Variants in GLT8D2 observed in about 807,000 individuals in gnomAD.
The protein encoded by GLT8D2 is glycosyltransferase 8 domain-containing protein 2.
Under a neutral mutation model 44.5 loss-of-function variants are expected in GLT8D2, and 45 were observed. That is an observed-to-expected ratio of 1.01 (90% CI 0.80 to 1.30). The LOEUF (loss-of-function observed/expected upper bound fraction) is 1.30, where lower values mean the gene tolerates loss of function less well. Among genes scored for constraint, GLT8D2 ranks in the 50% most tolerant of loss-of-function variants. The probability of loss-of-function intolerance (pLI) is 0.00; values close to 1 mark genes in which losing one functional copy is unlikely to be tolerated. For missense variants in GLT8D2, 400 were observed against 430.4 expected (o/e 0.93, Z 0.62); for synonymous variants, 156 against 157.2 (o/e 0.99, Z 0.06).
chr12:104,062,650 A>C (rs4340124), intron 1 of GLT8D2, among the ~76,000 whole-genome samples: 13,465 of 152,002 alleles, frequency 0.089, 866 homozygotes, highest in Admixed American at 0.17. Context: ...TCTCTCTTTA[A>C]TAAAAATAGA....
intron 4 of GLT8D2, among the ~76,000 whole-genome samples, 161 bp from the exon 5 acceptor site, chr12:104,003,467 T>C (rs1046796905): frequency 8.5e-5 from 13 of 152,288 alleles, no homozygotes; most frequent in African/African-American, 3.1e-4. Flanking sequence ...GAAAAGAACT[T>C]TGGAATTTTA....
In GLT8D2 at chr12:104,022,023, A is replaced by AAAG. The variant is rs1233673108; in HGVS notation, c.-163-535_-163-533dup. Among the ~76,000 whole-genome samples, 7 of 27,346 alleles carry AAAG rather than the reference A, an allele frequency of 2.6e-4. 1 individual carries two copies. Among genetic ancestry groups the AAAG allele is most frequent in the Admixed American group, 4.4e-4 (1 of 2,270 alleles). 17.9% of individuals were successfully genotyped at this position (27,346 alleles called of 152,430 possible). A position where few individuals can be genotyped will look rare whatever the true frequency, so the allele number is the denominator to read the frequency against. On this transcript the variant is annotated intron_variant, in intron 1 of 10. Coordinates refer to ENST00000360814, the MANE Select transcript of GLT8D2 (RefSeq NM_001384711.1). ...AGAAGAAGAAGAAGAAGAAGAAGAAAAAGAAGAAGAAGAAGAAGAAGAAGA... is the reference window on the plus strand; with the variant it reads ...AGAAGAAGAAGAAGAAGAAGAAGAAAAAGAAGAAGAAGAAGAAGAAGAAGAAGA...
intron 7 of GLT8D2, 80 bp downstream of exon 7, chr12:103,997,371 A>G: frequency 9.9e-7 from 1 of 1,006,636 alleles, no homozygotes; most frequent in Non-Finnish European, 1.6e-6. Context: ...ACAATTAGTT[A>G]TTTGAAAAAT....
intron 1 of GLT8D2, among the ~76,000 whole-genome samples, chr12:104,027,527 T>G (rs1488865713): frequency 6.6e-6 from 1 of 152,248 alleles, no homozygotes; most frequent in African/African-American, 2.4e-5. Flanking sequence ...AGGTTCAGTT[T>G]CTTACAAACA....
chr12:104,014,892 G>A, intron 4 of GLT8D2, 121 bp downstream of exon 4: 2 of 670,330 alleles, frequency 3.0e-6, no homozygotes, highest in African/African-American at 1.8e-5. Context: ...CTACTAGCAG[G>A]TCCTTGGGAG....
chr12:104,015,058 G>A lies in GLT8D2; in HGVS notation c.67C>T (p.Leu23=). 6.2e-7 allele frequency: 1 copy of A among 1,613,824 alleles called. No homozygotes were observed. The highest frequency in any genetic ancestry group is 8.5e-7 in the Non-Finnish European group (1 of 1,179,826). Reference sequence around the variant, plus strand: ...GTCCCCTTATGAACTTTCTTATACAGAATCACACAGAGGGTCACGATCAGA... The same window carrying A: ...GTCCCCTTATGAACTTTCTTATACAAAATCACACAGAGGGTCACGATCAGA... ...FLLIVTLCVI[L]YKKVHKGTVP... The change falls in exon 4 of 11, where the codon CTG becomes TTG. Residue 23 remains leucine, a synonymous_variant. Transcript: ENST00000360814.
rs1415348669 is a variant in GLT8D2, at chr12:104,003,031, C to CAAGA, written c.284+100_284+103dup. 46 of 750,296 alleles carry CAAGA rather than the reference C, an allele frequency of 6.1e-5. No homozygotes were observed. In the Admixed American group the frequency reaches 1.1e-3, roughly 19 times the overall value. 46.5% of individuals were successfully genotyped at this position (750,296 alleles called of 1,614,324 possible). On this transcript the variant is annotated intron_variant, in intron 5 of 10. Coordinates refer to ENST00000360814, the MANE Select transcript of GLT8D2 (RefSeq NM_001384711.1). The stretch of plus-strand genomic sequence containing the variant: ...GAGAAAGAGAGAAAGGGAGAGAAGG[C>CAAGA]AAGAAAGAAAGAAAAGAAGAAGAAG...
chr12:104,063,546 A>G (rs1004989587), intron 1 of GLT8D2, among the ~76,000 whole-genome samples: 2 of 152,216 alleles, frequency 1.3e-5, no homozygotes, highest in Admixed American at 6.5e-5. Flanking sequence ...TCTAAAATAA[A>G]TAAATAAAAA....
chr12:103,994,512 A>C lies in GLT8D2; in HGVS notation c.601-11T>G. On this transcript the variant is annotated splice_polypyrimidine_tract_variant and intron_variant, in intron 8 of 10. Coordinates refer to ENST00000360814, the MANE Select transcript of GLT8D2 (RefSeq NM_001384711.1). ...GCCCATATATGTGTTCTGTAAGGGA[A>C]CAGGATGTGCATGCTTTTGACCAGC... 1 of 1,595,478 alleles carries C rather than the reference A, an allele frequency of 6.3e-7. No homozygotes were observed. The highest frequency in any genetic ancestry group is 8.5e-7 in the Non-Finnish European group (1 of 1,170,720).
intron 8 of GLT8D2, among the ~76,000 whole-genome samples, chr12:103,996,205 T>C (rs910492253): frequency 2.0e-5 from 3 of 152,248 alleles, no homozygotes; most frequent in Non-Finnish European, 4.4e-5. Flanking sequence ...GCATGTAGGT[T>C]CAACTTTCCT....
intron 1 of GLT8D2, among the ~76,000 whole-genome samples, chr12:104,023,206 G>T (rs917604147): frequency 6.6e-5 from 10 of 152,084 alleles, no homozygotes; most frequent in Non-Finnish European, 1.5e-4. Context: ...CTAGGTGATG[G>T]GTTGATAGAT....
At chr12:104,015,393 AACACACACACACAC>A (rs55732553) in intron 3 of GLT8D2, among the ~76,000 whole-genome samples, 75 of 126,182 alleles carry the variant, frequency 5.9e-4, no homozygotes, top group African/African-American at 1.0e-3. Flanking sequence ...AACAACAACA[AACACACACACACAC>A]ACACACACAC....
At chr12:104,048,390 C>T (rs1183481058) in intron 1 of GLT8D2, among the ~76,000 whole-genome samples, 1 of 152,168 alleles carries the variant, frequency 6.6e-6, no homozygotes, top group Non-Finnish European at 1.5e-5. Context: ...GCCTTGCGAT[C>T]TCTAAGAGGG....
chr12:104,033,182 C>T (rs1281270366), intron 1 of GLT8D2, among the ~76,000 whole-genome samples: 3 of 150,198 alleles, frequency 2.0e-5, no homozygotes, highest in Admixed American at 6.7e-5. Flanking sequence ...GCACCCAGCC[C>T]GCAGCACTAT....
chr12:104,043,371 T>C (rs773778981), intron 1 of GLT8D2, among the ~76,000 whole-genome samples: 1 of 152,176 alleles, frequency 6.6e-6, no homozygotes, highest in Non-Finnish European at 1.5e-5. Context: ...TCTGCACTTA[T>C]AGTAATCCAC....
intron 4 of GLT8D2, among the ~76,000 whole-genome samples, chr12:104,010,764 C>A (rs1875730444): frequency 6.6e-6 from 1 of 152,174 alleles, no homozygotes; most frequent in South Asian, 2.1e-4. Flanking sequence ...ATTATATTAT[C>A]CCCACTGAGT....
chr12:104,033,253 T>C (rs1879530067), intron 1 of GLT8D2, among the ~76,000 whole-genome samples: 1 of 152,112 alleles, frequency 6.6e-6, no homozygotes, highest in Non-Finnish European at 1.5e-5. Context: ...GATAAAGAAA[T>C]GTGGTATATA....
chr12:104,021,924 G>C (rs935900166), intron 1 of GLT8D2, among the ~76,000 whole-genome samples: 1 of 27,264 alleles, frequency 3.7e-5, no homozygotes, highest in East Asian at 2.0e-3. Context: ...AGAAGAAGAA[G>C]AAGAAGAAGA....
chr12:104,064,425 G>T, upstream of GLT8D2: 1 of 784,450 alleles, frequency 1.3e-6, no homozygotes, highest in Non-Finnish European at 1.8e-6. This position sits in a 1 kb window ranked among gnomAD's most constrained non-coding sequence, Gnocchi z 7.3. Context: ...CACTGCCCGC[G>T]GGCCTCCAGC....
Sources: allele counts gnomAD v4.1 joint callset (sites outside exome capture counted in the v4.1 genomes callset), GRCh38; gene constraint gnomAD v4.1.1; non-coding constraint Gnocchi (gnomAD v3.1); transcripts MANE v1.5; gene names NCBI Gene and HGNC (gene_info 2026-07-23, HGNC 2026-07-21).